Variants in MYO3A observed in about 807,000 individuals in gnomAD.
MYO3A encodes the protein myosin-IIIa.
A neutral mutation model predicts 192.7 loss-of-function variants in MYO3A; 180 were observed. That is an observed-to-expected ratio of 0.93 (90% confidence interval 0.83 to 1.06). MYO3A has a LOEUF of 1.06. MYO3A is among the 50% of genes least tolerant of loss of function. The pLI, the probability that MYO3A is intolerant of heterozygous loss-of-function variation, is 0.00. For synonymous variants in MYO3A, 628 were observed against 645.3 expected (o/e 0.97, Z 0.41); for missense variants, 1,896 against 1,905.0 (o/e 1.00, Z 0.09).
At chr10:26,186,155 G>A (rs927395713) in intron 31 of MYO3A, among the ~76,000 whole-genome samples, 1 of 151,706 alleles carries the variant, frequency 6.6e-6, no homozygotes, top group Admixed American at 6.6e-5. Context: ...GTTACAAGAT[G>A]TTTTTGGTTT....
intron 3 of MYO3A, among the ~76,000 whole-genome samples, chr10:25,952,662 G>A (rs1019873727): frequency 1.3e-5 from 2 of 152,018 alleles, no homozygotes; most frequent in Non-Finnish European, 2.9e-5. Context: ...TAGGCTTCAG[G>A]AGGTATTTCT....
rs144032796 is a variant in MYO3A at position 25,937,335 on chromosome 10, A to T, written c.-18+1505A>T. ...TTTTACCTCCCTCACTCCTGCAGAC[A>T]TTTGAGTTTGTGATTTCAGACTCTG... On this transcript the variant is annotated intron_variant, in intron 2 of 34. Coordinates refer to ENST00000642920, the MANE Select transcript of MYO3A (RefSeq NM_017433.5). Among the ~76,000 whole-genome samples the T allele has an allele frequency of 3.6e-3, 555 of 152,336 alleles. 7 individuals are homozygous for T. The highest frequency in any genetic ancestry group is 4.0e-3 in the Non-Finnish European group (275 of 68,012).
At chr10:26,165,297 C>T (rs2131986079) in intron 26 of MYO3A, among the ~76,000 whole-genome samples, 1 of 152,314 alleles carries the variant, frequency 6.6e-6, no homozygotes, top group South Asian at 2.1e-4. Flanking sequence ...CCAAAATTTG[C>T]TGCTTTGTTG....
At chr10:26,001,441 A>G (rs1209144039) in intron 6 of MYO3A, among the ~76,000 whole-genome samples, 1 of 152,210 alleles carries the variant, frequency 6.6e-6, no homozygotes, top group African/African-American at 2.4e-5. Context: ...CTGTGTCTAA[A>G]TGGGAGTCAG....
rs531563824 is a variant in MYO3A, at chr10:25,934,520, G to T, written c.-105+192G>T. Among the ~76,000 whole-genome samples, 3 of 152,222 alleles carry T rather than the reference G, an allele frequency of 2.0e-5. No individual in the cohort carries two copies. The East Asian group carries it at 5.9e-4, about 30-fold the overall frequency. ...CCGGAGGACCTGTGTGTTTGTCGGG[G>T]CCTGGGGTGAGAGAGGGGACTCGAG... On this transcript the variant is annotated intron_variant, in intron 1 of 34. Transcript: ENST00000642920.
intron 2 of MYO3A, among the ~76,000 whole-genome samples, chr10:25,941,178 CA>C (rs1167937771): frequency 3.3e-5 from 5 of 152,118 alleles, no homozygotes; most frequent in African/African-American, 4.8e-5. Context: ...TTAACAGTAG[CA>C]AAAGACTGTT....
intron 4 of MYO3A, among the ~76,000 whole-genome samples, chr10:25,983,603 G>T (rs917538444): frequency 3.9e-5 from 6 of 152,116 alleles, no homozygotes; most frequent in African/African-American, 1.4e-4. Flanking sequence ...AGAAATTTGG[G>T]ACTATGTTAA....
intron 4 of MYO3A, among the ~76,000 whole-genome samples, chr10:25,955,361 T>C (rs981981669): frequency 4.6e-5 from 7 of 152,184 alleles, no homozygotes; most frequent in African/African-American, 1.4e-4. Context: ...TGCTAGGATA[T>C]AAGAAAAAAT....
chr10:26,031,441 A>G lies in MYO3A; in HGVS notation c.953+4909A>G, dbSNP rs78519321. Among the ~76,000 whole-genome samples the G allele has an allele frequency of 3.1e-3, 465 of 152,316 alleles. 3 individuals are homozygous for G. The highest frequency in any genetic ancestry group is 0.011 in the African/African-American group (451 of 41,558). The stretch of plus-strand genomic sequence containing the variant: ...CTTTATGTTGCTTCCTTGAGGTTCT[A>G]AGTTCCATACTGGACCATCTGATCG... On this transcript the variant is annotated intron_variant, in intron 10 of 34. Coordinates refer to ENST00000642920, the MANE Select transcript of MYO3A (RefSeq NM_017433.5).
intron 14 of MYO3A, among the ~76,000 whole-genome samples, chr10:26,083,551 C>T (rs1471803292): frequency 2.0e-5 from 3 of 151,978 alleles, no homozygotes; most frequent in South Asian, 2.1e-4. Context: ...GAAGAGAGTG[C>T]GCATTTTTTG....
intron 2 of MYO3A, among the ~76,000 whole-genome samples, chr10:25,948,745 G>C (rs1837020064): frequency 6.6e-6 from 1 of 152,084 alleles, no homozygotes; most frequent in Non-Finnish European, 1.5e-5. Flanking sequence ...CTTGATTCTA[G>C]CCTAATTCTT....
chr10:26,077,388 A>G (rs541471098), intron 14 of MYO3A, among the ~76,000 whole-genome samples: 6 of 150,926 alleles, frequency 4.0e-5, no homozygotes, highest in Non-Finnish European at 7.4e-5. Flanking sequence ...TATCAGTTCT[A>G]GTTTTCTGGA....
chr10:26,000,789 C>T (rs1588742226), intron 6 of MYO3A, among the ~76,000 whole-genome samples: 2 of 151,964 alleles, frequency 1.3e-5, no homozygotes, highest in South Asian at 2.1e-4. Flanking sequence ...TGTATTAGCC[C>T]ATTCTCACAC....
At chr10:26,064,533 A>C (rs2131358636) in intron 10 of MYO3A, among the ~76,000 whole-genome samples, 1 of 147,692 alleles carries the variant, frequency 6.8e-6, no homozygotes, top group Middle Eastern at 3.5e-3. Flanking sequence ...CTTTGAGCAG[A>C]GTAGTGACAT....
At chr10:26,155,904 G>A (rs771762963) in intron 25 of MYO3A, among the ~76,000 whole-genome samples, 4 of 152,160 alleles carry the variant, frequency 2.6e-5, no homozygotes, top group African/African-American at 4.8e-5. Flanking sequence ...AACCAGATTA[G>A]TTCATGAAAT....
At chr10:25,982,082 C>T (rs193143334) in intron 4 of MYO3A, among the ~76,000 whole-genome samples, 163 of 152,224 alleles carry the variant, frequency 1.1e-3, no homozygotes, top group African/African-American at 3.9e-3. Context: ...TTTAGGACTG[C>T]AGGCTGTGTG....
At chr10:26,101,700 T>C (rs1401833259) in intron 17 of MYO3A, among the ~76,000 whole-genome samples, 2 of 152,188 alleles carry the variant, frequency 1.3e-5, no homozygotes, top group African/African-American at 2.4e-5. Flanking sequence ...AAAATTCTTT[T>C]CTTTAAGAAT....
At chr10:26,004,415 T>C (rs993109601) in intron 6 of MYO3A, among the ~76,000 whole-genome samples, 1 of 151,648 alleles carries the variant, frequency 6.6e-6, no homozygotes, top group African/African-American at 2.4e-5. Context: ...CTCACCATTT[T>C]ATATATATTT....
chr10:25,937,438 A>C (rs1339444993), intron 2 of MYO3A, among the ~76,000 whole-genome samples: 1 of 152,250 alleles, frequency 6.6e-6, no homozygotes, highest in Non-Finnish European at 1.5e-5. Flanking sequence ...GAAAAGGAGA[A>C]TAATCCTGTA....
Sources: gnomAD v4.1 joint callset for allele counts (sites outside exome capture counted in the v4.1 genomes callset) on GRCh38, gnomAD v4.1.1 for gene constraint, MANE v1.5 for transcripts, NCBI Gene and HGNC (gene_info 2026-07-23, HGNC 2026-07-21) for gene names.